EVI5L: variants seen among roughly 807,000 people sequenced by gnomAD.
EVI5L encodes ecotropic viral integration site 5 like, also known as EVI5-like protein.
Under a neutral mutation model 106.1 loss-of-function variants are expected in EVI5L, and 30 were observed. The observed-to-expected ratio is 0.28, with a 90% confidence interval of 0.21 to 0.38. The LOEUF is 0.38. Among genes scored for constraint, EVI5L ranks in the 10% least tolerant of loss-of-function variants. The pLI is 1.00. For missense variants in EVI5L, 809 were observed against 1,098.0 expected, an observed-to-expected ratio of 0.74 and a Z score of 3.72; for synonymous variants, 489 against 483.3, an observed-to-expected ratio of 1.01 and a Z score of -0.15.
rs371267308 is a variant in EVI5L at position 7,851,746 on chromosome 19, G to A, written c.963G>A (p.Gln321=). The A allele has an allele frequency of 1.3e-6, 2 of 1,508,558 alleles. No homozygotes were observed. Among genetic ancestry groups the A allele is most frequent in the African/African-American group, 2.8e-5 (2 of 70,394 alleles). The allele number at this position is 1,508,558 out of a possible 1,614,324, so 93.4% of individuals were successfully genotyped here. The stretch of plus-strand genomic sequence containing the variant: ...AGGTGAACCAGGCAGAGCTGATGCA[G>A]CTGGACATGGAGGGGATGTCCCAGG... ...LLQVNQAELM[Q]LDMEGMSQYF... is the part of the protein sequence containing the mutation. Residue 321 remains glutamine (Q), a synonymous_variant, in exon 8 of 20, where the codon CAG becomes CAA. Transcript: ENST00000538904.
intron 1 of EVI5L, among the ~76,000 whole-genome samples, chr19:7,846,179 C>T (rs1355492153): frequency 6.6e-6 from 1 of 152,218 alleles, no homozygotes; most frequent in Non-Finnish European, 1.5e-5. Context: ...GGGCCCTGCT[C>T]CAGCCTCAGG....
chr19:7,862,782 G>A (rs1481656868), intron 17 of EVI5L, among the ~76,000 whole-genome samples, 190 bp from the exon 18 acceptor site: 2 of 83,098 alleles, frequency 2.4e-5, no homozygotes, highest in Non-Finnish European at 4.6e-5. Flanking sequence ...CCCCGCCCGC[G>A]GCCACGCCTC....
intron 17 of EVI5L, 21 bp from the exon 18 acceptor site, chr19:7,862,951 C>A: frequency 6.7e-7 from 1 of 1,501,264 alleles, no homozygotes; most frequent in Non-Finnish European, 8.9e-7. Flanking sequence ...CCCTCCTTTC[C>A]CCCCAATCCC....
At chr19:7,832,024 C>T (rs2146407679) in intron 1 of EVI5L, among the ~76,000 whole-genome samples, 1 of 152,354 alleles carries the variant, frequency 6.6e-6, no homozygotes, top group Non-Finnish European at 1.5e-5. Flanking sequence ...GAGTTGTCTG[C>T]TTCGTTTTAT....
rs1223061294 is a variant in EVI5L, at chr19:7,856,584, G to A, written c.1201-508G>A. On this transcript the variant is annotated intron_variant, in intron 11 of 19. Transcript: ENST00000538904. The surrounding 1 kb of genome is among the most constrained non-coding windows in gnomAD (Gnocchi z 6.6). ...GGCTCACTGAGCCCCAGCCCCGGGA[G>A]CCCCCAATTCCTGCTCCTCACTCGT... Among the ~76,000 whole-genome samples, 1 of 151,944 alleles carries A rather than the reference G, an allele frequency of 6.6e-6. No individual in the cohort carries two copies. The highest frequency in any genetic ancestry group is 2.4e-5 in the African/African-American group (1 of 41,374).
intron 1 of EVI5L, among the ~76,000 whole-genome samples, chr19:7,838,012 G>A (rs756543491): frequency 1.3e-5 from 2 of 151,538 alleles, no homozygotes; most frequent in Admixed American, 6.6e-5. Context: ...CAACCTTGAC[G>A]GTTTTGAGGA....
chr19:7,863,127 G>A lies in EVI5L; in HGVS notation c.2044-58G>A. The A allele has an allele frequency of 6.5e-7, 1 of 1,535,884 alleles. No individual in the cohort carries two copies. Among genetic ancestry groups the A allele is most frequent in the Non-Finnish European group, 8.8e-7 (1 of 1,141,404 alleles). ...GGGGGCAGGGCCCGGGGCAGGAGCGGGGCCGGACCCCAGGCCCAGCATGGC... is the reference window on the plus strand; with the variant it reads ...GGGGGCAGGGCCCGGGGCAGGAGCGAGGCCGGACCCCAGGCCCAGCATGGC... On this transcript the variant is annotated intron_variant, in intron 18 of 19. Coordinates refer to ENST00000538904, the MANE Select transcript of EVI5L (RefSeq NM_001159944.3). This position sits in a 1 kb window ranked among gnomAD's most constrained non-coding sequence, Gnocchi z 7.7.
chr19:7,860,719 C>T (rs200118704), intron 14 of EVI5L, 30 bp downstream of exon 14: 36 of 1,548,814 alleles, frequency 2.3e-5, no homozygotes, highest in South Asian at 4.8e-5. Flanking sequence ...GGGCAGGTGT[C>T]GGGGGGACCC....
chr19:7,834,286 TG>T (rs1461979609), intron 1 of EVI5L, among the ~76,000 whole-genome samples: 2 of 152,184 alleles, frequency 1.3e-5, no homozygotes, highest in Admixed American at 1.3e-4. Context: ...AACGCGCCAC[TG>T]CATGCCAGCC....
At chr19:7,852,937 T>A (rs1979327358) in intron 8 of EVI5L, 149 bp from the exon 9 acceptor site, 1 of 714,070 alleles carries the variant, frequency 1.4e-6, no homozygotes, top group East Asian at 2.5e-5. Flanking sequence ...TTTCCATTGC[T>A]CCACAAACAC....
chr19:7,837,345 T>A (rs1416103159), intron 1 of EVI5L, among the ~76,000 whole-genome samples: 2 of 152,008 alleles, frequency 1.3e-5, no homozygotes, highest in African/African-American at 4.8e-5. Flanking sequence ...AAATAAAAAA[T>A]AAATAAAATA....
intron 1 of EVI5L, among the ~76,000 whole-genome samples, chr19:7,842,355 A>ATG (rs140720814): frequency 5.9e-4 from 85 of 143,588 alleles, no homozygotes; most frequent in East Asian, 5.9e-3. Context: ...GTGTGTGTGA[A>ATG]TGTGTATCAA....
chr19:7,842,005 G>A (rs1029869185), intron 1 of EVI5L, among the ~76,000 whole-genome samples: 15 of 152,180 alleles, frequency 9.9e-5, no homozygotes, highest in South Asian at 4.1e-4. Context: ...GTGTGTGAGC[G>A]CGTGTGTGTA....
Position 7,845,868 on chromosome 19 carries a change from C to T in EVI5L, c.-47-628C>T, listed in dbSNP as rs542102091. Among the ~76,000 whole-genome samples the T allele has an allele frequency of 4.9e-4, 75 of 152,340 alleles. No individual in the cohort carries two copies. The highest frequency in any genetic ancestry group is 8.8e-4 in the Non-Finnish European group (60 of 68,032). ...CCCACAGCTCTGGCTCTGTGTCTGC[C>T]AGGGCACAGATTCCCAGCACTCTGC... is the stretch of plus-strand genomic sequence containing the variant. On this transcript the variant is annotated intron_variant, in intron 1 of 19. Transcript: ENST00000538904. The surrounding 1 kb of genome is among the most constrained non-coding windows in gnomAD (Gnocchi z 4.0).
Position 7,850,533 on chromosome 19 carries a change from G to T in EVI5L, c.753+411G>T, listed in dbSNP as rs892077032. ...CTGTTTATAAATAGCAGCCCCCGCA[G>T]GGCCTGCTCCCGGCTGGCAGGCAGA... On this transcript the variant is annotated intron_variant, in intron 6 of 19. Transcript: ENST00000538904. This position sits in a 1 kb window ranked among gnomAD's most constrained non-coding sequence, Gnocchi z 5.4. Among the ~76,000 whole-genome samples the T allele has an allele frequency of 6.6e-6, 1 of 152,186 alleles. No individual in the cohort carries two copies. The highest frequency in any genetic ancestry group is 2.4e-5 in the African/African-American group (1 of 41,444).
intron 8 of EVI5L, among the ~76,000 whole-genome samples, chr19:7,852,543 T>C (rs528229194): frequency 1.1e-4 from 14 of 130,818 alleles, no homozygotes; most frequent in Non-Finnish European, 9.8e-5. Flanking sequence ...GCTTTTCTTT[T>C]TTTCTTTTAC....
At position 7,853,008 on chromosome 19, in the gene EVI5L, A is replaced by T. The variant is rs946929167; in HGVS notation, c.988-78A>T. The stretch of plus-strand genomic sequence containing the variant: ...GGCAGACCCGTTCCTGCCCCCCTCC[A>T]GGGCAACAGGGCTCGGGCGGCCCCC... On this transcript the variant is annotated intron_variant, in intron 8 of 19. Coordinates refer to ENST00000538904, the MANE Select transcript of EVI5L (RefSeq NM_001159944.3). 1.2e-4 allele frequency: 171 copies of T among 1,469,262 alleles called. 4 individuals carry two copies. The South Asian group carries it at 1.8e-3, about 15-fold the overall frequency. The allele number at this position is 1,469,262 out of a possible 1,614,324, so 91.0% of individuals were successfully genotyped here. A position where few individuals can be genotyped will look rare whatever the true frequency, so the allele number is the denominator to read the frequency against.
chr19:7,860,479 G>T (rs1307626788), intron 13 of EVI5L, 82 bp from the exon 14 acceptor site: 2 of 1,264,254 alleles, frequency 1.6e-6, no homozygotes, highest in Admixed American at 4.5e-5. Flanking sequence ...CTCTGGGGAG[G>T]CGGGGAGAAG....
At chr19:7,860,295 C>T (rs969293342) in intron 13 of EVI5L, among the ~76,000 whole-genome samples, 5 of 152,312 alleles carry the variant, frequency 3.3e-5, no homozygotes, top group East Asian at 1.9e-4. Flanking sequence ...TGGGGTCCCG[C>T]GGGGCATCCG....
Sources: allele counts gnomAD v4.1 joint callset (sites outside exome capture counted in the v4.1 genomes callset), GRCh38; gene constraint gnomAD v4.1.1; non-coding constraint Gnocchi (gnomAD v3.1); transcripts MANE v1.5; gene names NCBI Gene and HGNC (gene_info 2026-07-23, HGNC 2026-07-21).